The following C1QL4 variants were observed in gnomAD, a reference collection of about 807,000 sequenced individuals.
C1QL4 encodes the protein complement C1q like 4.
In C1QL4, 5 loss-of-function variants were observed where a neutral mutation model predicts 13.4. That is an observed-to-expected ratio of 0.37 (90% CI 0.19 to 0.78). The LOEUF is 0.78. Ranked by LOEUF, C1QL4 falls within the 30% of genes least tolerant of loss-of-function variation. The pLI, the probability that C1QL4 is intolerant of heterozygous loss-of-function variation, is 0.47. For missense variants in C1QL4, 367 were observed against 361.6 expected, an observed-to-expected ratio of 1.01 and a Z score of -0.12; for synonymous variants, 168 against 153.9, an observed-to-expected ratio of 1.09 and a Z score of -0.68.
chr12:49,333,237 T>A lies in C1QL4; in HGVS notation c.538-4A>T. The A allele has an allele frequency of 1.2e-6, 2 of 1,613,074 alleles. No homozygotes were observed. Among genetic ancestry groups the A allele is most frequent in the Non-Finnish European group, 1.7e-6 (2 of 1,179,486 alleles). On this transcript the variant is annotated splice_polypyrimidine_tract_variant and splice_region_variant and intron_variant, in intron 1 of 1. Transcript: ENST00000334221. The stretch of plus-strand genomic sequence containing the variant: ...GAGCAATGGCGCTGGCCCGGACCTA[T>A]CGAGGGAGAAGAACCTGCTCATGCT...
At chr12:49,335,599 C>G (rs1943625051) in intron 1 of C1QL4, among the ~76,000 whole-genome samples, 1 of 152,172 alleles carries the variant, frequency 6.6e-6, no homozygotes, top group African/African-American at 2.4e-5. Context: ...TAGCCCAAGA[C>G]AGGACGAGAA....
rs201910777 is a variant in C1QL4 at position 49,333,004 on chromosome 12, G to C, written c.*50C>G. On this transcript the variant is annotated 3_prime_UTR_variant, in exon 2 of 2. Coordinates refer to ENST00000334221, the MANE Select transcript of C1QL4 (RefSeq NM_001008223.2). ...GCCTCGGGTGGGGCGGGCAGGAGGT[G>C]GGTGAGGACGGGAGAGAAGGGGCGA... 335 of 1,527,010 alleles carry C rather than the reference G, an allele frequency of 2.2e-4. 3 individuals carry two copies. In the East Asian group the frequency reaches 7.1e-3, roughly 32 times the overall value. 94.6% of individuals were successfully genotyped at this position (1,527,010 alleles called of 1,614,324 possible).
At chr12:49,333,727 G>A (rs1279785078) in intron 1 of C1QL4, among the ~76,000 whole-genome samples, 1 of 151,160 alleles carries the variant, frequency 6.6e-6, no homozygotes, top group Admixed American at 6.6e-5. Context: ...TAGTAGGGAC[G>A]GGGTTTCACT....
chr12:49,335,586 G>A (rs1160903977), intron 1 of C1QL4, among the ~76,000 whole-genome samples: 5 of 152,200 alleles, frequency 3.3e-5, no homozygotes, highest in Admixed American at 2.0e-4. Flanking sequence ...GCAGAAGAAA[G>A]GATAGCCCAA....
At position 49,336,605 on chromosome 12, in the gene C1QL4, G is replaced by T; in HGVS notation, c.-128C>A. The T allele has an allele frequency of 8.8e-7, 1 of 1,137,400 alleles. No homozygotes were observed. Among genetic ancestry groups the T allele is most frequent in the Non-Finnish European group, 1.2e-6 (1 of 863,290 alleles). 70.5% of individuals were successfully genotyped at this position (1,137,400 alleles called of 1,614,324 possible). On this transcript the variant is annotated 5_prime_UTR_variant, in exon 1 of 2. Transcript: ENST00000334221. This position sits in a 1 kb window ranked among gnomAD's most constrained non-coding sequence, Gnocchi z 7.7. ...GGCCGGGGCTCTCCGCGGGCCAGGA[G>T]GCGGTGACCCGCCTTGGGCCTGGGT... is the stretch of plus-strand genomic sequence containing the variant.
Position 49,336,566 on chromosome 12 carries a change from G to A in C1QL4, c.-89C>T. 4 of 1,339,380 alleles carry A rather than the reference G, an allele frequency of 3.0e-6. No homozygotes were observed. The highest frequency in any genetic ancestry group is 2.9e-6 in the Non-Finnish European group (3 of 1,041,514). The allele number at this position is 1,339,380 out of a possible 1,614,324, so 83.0% of individuals were successfully genotyped here. ...CAGCAAATCTTCCTCACTCTTGGGCGCAATGGCTGCCGGGGCCGGGGCTCT... is the reference window on the plus strand; with the variant it reads ...CAGCAAATCTTCCTCACTCTTGGGCACAATGGCTGCCGGGGCCGGGGCTCT... On this transcript the variant is annotated 5_prime_UTR_variant, in exon 1 of 2. Transcript: ENST00000334221. The surrounding 1 kb of genome is among the most constrained non-coding windows in gnomAD (Gnocchi z 7.7).
At position 49,336,308 on chromosome 12, in the gene C1QL4, T is replaced by G; in HGVS notation, c.170A>C (p.Lys57Thr). The change falls in exon 1 of 2, where the codon AAG (lysine) becomes ACG (threonine). Residue 57 changes from lysine to threonine, a missense_variant. Physicochemically the swap from Lys to Thr is moderately conservative, Grantham distance 78. Transcript: ENST00000334221. The surrounding 1 kb of genome is among the most constrained non-coding windows in gnomAD (Gnocchi z 7.7). Reference sequence around the variant, plus strand: ...TTTCCCGCGCCGGCCCACCTCTCCCTTGGCGCCTGGCGGGAAGGGGGGCAC... The same window carrying G: ...TTTCCCGCGCCGGCCCACCTCTCCCGTGGCGCCTGGCGGGAAGGGGGGCAC... ...ASVPPFPPGA[K>T]GEVGRRGKAG... 1 of 1,417,724 alleles carries G rather than the reference T, an allele frequency of 7.1e-7. No homozygotes were observed. The highest frequency in any genetic ancestry group is 9.1e-7 in the Non-Finnish European group (1 of 1,094,774). 87.8% of individuals were successfully genotyped at this position (1,417,724 alleles called of 1,614,324 possible).
Position 49,333,137 on chromosome 12 carries a change from T to G in C1QL4, c.634A>C (p.Ile212Leu). 1.2e-6 allele frequency: 2 copies of G among 1,614,168 alleles called. No homozygotes were observed. Among genetic ancestry groups the G allele is most frequent in the Non-Finnish European group, 1.7e-6 (2 of 1,179,992 alleles). Residue 212 changes from isoleucine (I) to leucine (L), a missense_variant, in exon 2 of 2, where the codon ATC becomes CTC. Ile to Leu is a conservative substitution (Grantham distance 5). Coordinates refer to ENST00000334221, the MANE Select transcript of C1QL4 (RefSeq NM_001008223.2). ...TGCACTTTCCCGCCGTCCAGCTTGA[T>G]GAAGACCTCGTCGCCCACGTCCAGG... ...LHLDVGDEVF[I>L]KLDGGKVHGG...
At chr12:49,334,232 A>G (rs1054675253) in intron 1 of C1QL4, among the ~76,000 whole-genome samples, 1 of 152,222 alleles carries the variant, frequency 6.6e-6, no homozygotes, top group African/African-American at 2.4e-5. Context: ...CCTATAGGAT[A>G]ATTTCTAAAA....
chr12:49,332,897 G>T lies in C1QL4; in HGVS notation c.*157C>A. ...TCTTCCCGGCCACTTATACCCTTGA[G>T]CACCAAGAGTTCGCCCATTTAGGCC... is the stretch of plus-strand genomic sequence containing the variant. On this transcript the variant is annotated 3_prime_UTR_variant, in exon 2 of 2. Transcript: ENST00000334221. 1 of 742,848 alleles carries T rather than the reference G, an allele frequency of 1.3e-6. No individual in the cohort carries two copies. Among genetic ancestry groups the T allele is most frequent in the Non-Finnish European group, 2.1e-6 (1 of 466,506 alleles). The allele number at this position is 742,848 out of a possible 1,614,324, so 46.0% of individuals were successfully genotyped here.
chr12:49,335,004 C>T (rs1385766889), intron 1 of C1QL4, among the ~76,000 whole-genome samples: 2 of 152,240 alleles, frequency 1.3e-5, no homozygotes, highest in Non-Finnish European at 2.9e-5. Context: ...CCTCTGCAGC[C>T]TGTGCAGCTC....
intron 1 of C1QL4, among the ~76,000 whole-genome samples, chr12:49,333,729 G>A (rs894445792): frequency 6.6e-6 from 1 of 151,058 alleles, no homozygotes; most frequent in African/African-American, 2.4e-5. Flanking sequence ...GTAGGGACGG[G>A]GTTTCACTGT....
Position 49,336,537 on chromosome 12 carries a change from G to A in C1QL4, c.-60C>T. On this transcript the variant is annotated 5_prime_UTR_variant, in exon 1 of 2. Coordinates refer to ENST00000334221, the MANE Select transcript of C1QL4 (RefSeq NM_001008223.2). This position sits in a 1 kb window ranked among gnomAD's most constrained non-coding sequence, Gnocchi z 7.7. Reference sequence around the variant, plus strand: ...CGGCGGCTCAGCCGCGACGCTGCCAGGGCCAGCAAATCTTCCTCACTCTTG... The same window carrying A: ...CGGCGGCTCAGCCGCGACGCTGCCAAGGCCAGCAAATCTTCCTCACTCTTG... The A allele has an allele frequency of 7.1e-7, 1 of 1,415,478 alleles. No homozygotes were observed. Among genetic ancestry groups the A allele is most frequent in the Non-Finnish European group, 9.1e-7 (1 of 1,095,958 alleles). The allele number at this position is 1,415,478 out of a possible 1,614,324, so 87.7% of individuals were successfully genotyped here.
Position 49,336,431 on chromosome 12 carries a change from G to T in C1QL4, c.47C>A (p.Ser16Tyr). 6.5e-7 allele frequency: 1 copy of T among 1,549,960 alleles called. No homozygotes were observed. The change falls in exon 1 of 2, where the codon TCC (serine) becomes TAC (tyrosine). Residue 16 changes from serine to tyrosine, a missense_variant. Coordinates refer to ENST00000334221, the MANE Select transcript of C1QL4 (RefSeq NM_001008223.2). The surrounding 1 kb of genome is among the most constrained non-coding windows in gnomAD (Gnocchi z 7.7). ...LVAIPLLVHS[S>Y]RGPAHYEMLG... ...CATCTCGTAGTGCGCTGGCCCGCGG[G>T]AGCTGTGCACCAGCAGCGGGATGGC...
Position 49,332,887 on chromosome 12 carries a change from A to T in C1QL4, c.*167T>A. ...GGTCTCCTCCTCTTCCCGGCCACTT[A>T]TACCCTTGAGCACCAAGAGTTCGCC... is the stretch of plus-strand genomic sequence containing the variant. On this transcript the variant is annotated 3_prime_UTR_variant, in exon 2 of 2. Transcript: ENST00000334221. 1 of 709,800 alleles carries T rather than the reference A, an allele frequency of 1.4e-6. No individual in the cohort carries two copies. The highest frequency in any genetic ancestry group is 2.3e-6 in the Non-Finnish European group (1 of 438,250). 44.0% of individuals were successfully genotyped at this position (709,800 alleles called of 1,614,324 possible).
Position 49,336,236 on chromosome 12 carries a change from G to T in C1QL4, c.242C>A (p.Pro81Gln). The change falls in exon 1 of 2, where the codon CCA becomes CAA. Residue 81 changes from proline to glutamine, a missense_variant. Physicochemically the swap from Pro to Gln is moderately conservative, Grantham distance 76. Coordinates refer to ENST00000334221, the MANE Select transcript of C1QL4 (RefSeq NM_001008223.2). The surrounding 1 kb of genome is among the most constrained non-coding windows in gnomAD (Gnocchi z 7.7). ...PPGPPGPRGP[P>Q]GEPGRPGPPG... ...GGGGCCTGGCCTGCCGGGTTCTCCT[G>T]GGGGCCCTCTTGGACCTGGTGGTCC... 1 of 1,474,462 alleles carries T rather than the reference G, an allele frequency of 6.8e-7. No individual in the cohort carries two copies. 91.3% of individuals were successfully genotyped at this position (1,474,462 alleles called of 1,614,324 possible). A position where few individuals can be genotyped will look rare whatever the true frequency, so the allele number is the denominator to read the frequency against.
In C1QL4 at chr12:49,336,010, G is replaced by A. The variant is rs1943627950; in HGVS notation, c.468C>T (p.Phe156=). The change falls in exon 1 of 2, where the codon TTC becomes TTT. Residue 156 remains phenylalanine, a synonymous_variant. Coordinates refer to ENST00000334221, the MANE Select transcript of C1QL4 (RefSeq NM_001008223.2). The surrounding 1 kb of genome is among the most constrained non-coding windows in gnomAD (Gnocchi z 7.7). ...CGCCGCGCATGAGCACGTGGTAAGC[G>A]AAGAAGTAGACGCCTGGCATGGGGC... is the stretch of plus-strand genomic sequence containing the variant. ...FTCPMPGVYF[F]AYHVLMRGGD... The A allele has an allele frequency of 2.5e-6, 4 of 1,611,260 alleles. No individual in the cohort carries two copies. The African/African-American group carries it at 5.3e-5, about 21-fold the overall frequency.
chr12:49,335,806 T>C lies in C1QL4; in HGVS notation c.537+135A>G. The C allele has an allele frequency of 2.7e-6, 3 of 1,110,274 alleles. No individual in the cohort carries two copies. The South Asian group carries it at 4.7e-5, about 17-fold the overall frequency. The allele number at this position is 1,110,274 out of a possible 1,614,324, so 68.8% of individuals were successfully genotyped here. On this transcript the variant is annotated intron_variant, in intron 1 of 1. Coordinates refer to ENST00000334221, the MANE Select transcript of C1QL4 (RefSeq NM_001008223.2). ...TTTCCTCTGTGGGTAAATGAAGTCA[T>C]CTATCGTTCTTGGCAGCCTCGCGTT...
chr12:49,335,947 G>A lies in C1QL4; in HGVS notation c.531C>T (p.Asn177=), dbSNP rs192995889. The change falls in exon 1 of 2, where the codon AAC becomes AAT. Residue 177 remains asparagine (N), a synonymous_variant. Coordinates refer to ENST00000334221, the MANE Select transcript of C1QL4 (RefSeq NM_001008223.2). ...GTSMWADLMK[N]GQVRASAIAQ... is the part of the protein sequence containing the mutation. The stretch of plus-strand genomic sequence containing the variant: ...GGGGAGAGGGGCATCTCACCTGTCC[G>A]TTCTTCATGAGGTCGGCCCACATGC... 5 of 1,601,544 alleles carry A rather than the reference G, an allele frequency of 3.1e-6. No individual in the cohort carries two copies. The Admixed American group carries it at 5.1e-5, about 16-fold the overall frequency.
Sources: allele counts gnomAD v4.1 joint callset (sites outside exome capture counted in the v4.1 genomes callset), GRCh38; gene constraint gnomAD v4.1.1; non-coding constraint Gnocchi (gnomAD v3.1); transcripts MANE v1.5; gene names NCBI Gene and HGNC (gene_info 2026-07-23, HGNC 2026-07-21).